The following PAX6 variants were observed in gnomAD, a reference collection of about 807,000 sequenced individuals.
The protein encoded by PAX6 is paired box 6, also known as paired box protein Pax-6.
In PAX6, 7 loss-of-function variants were observed where a neutral mutation model predicts 60.7. The observed-to-expected ratio is 0.12, with a 90% CI of 0.07 to 0.22. The LOEUF is 0.22. PAX6 is among the 10% of genes least tolerant of loss of function. PAX6 has a pLI of 1.00. For missense variants in PAX6, 355 were observed against 555.2 expected (o/e 0.64, Z 3.62); for synonymous variants, 208 against 201.2 (o/e 1.03, Z -0.29).
At chr11:31,816,310 G>C (rs1175307721), upstream of PAX6, 4 of 483,842 alleles carry the variant, frequency 8.3e-6, no homozygotes, top group Non-Finnish European at 1.1e-5. Flanking sequence ...TTCTATGAGA[G>C]GGTCTGAGGA....
chr11:31,812,812 A>T (rs1328664910), upstream of PAX6: 2 of 152,282 alleles, frequency 1.3e-5, no homozygotes, highest in Non-Finnish European at 2.9e-5. Context: ...ACTCTTCTTG[A>T]CTTAGGGAAA....
At chr11:31,815,529 G>T (rs566536988), upstream of PAX6, among the ~76,000 whole-genome samples, 5 of 152,110 alleles carry the variant, frequency 3.3e-5, no homozygotes, top group Admixed American at 6.5e-5. Flanking sequence ...GCTGGGGAGG[G>T]GGAGGGAGCA....
At chr11:31,793,912 A>C (rs894037128) in intron 10 of PAX6, 110 bp from the exon 11 acceptor site, 3 of 1,371,294 alleles carry the variant, frequency 2.2e-6, no homozygotes, top group Non-Finnish European at 3.1e-6. Flanking sequence ...CATTTAGCAG[A>C]CTGAACCTTT....
chr11:31,802,605 G>A, intron 5 of PAX6, 99 bp downstream of exon 5: 2 of 1,344,464 alleles, frequency 1.5e-6, no homozygotes, highest in Non-Finnish European at 2.0e-6. Context: ...GAGGGTGGGG[G>A]GGTCCATAAT....
intron 12 of PAX6, 96 bp from the exon 13 acceptor site, chr11:31,790,956 T>G: frequency 4.5e-6 from 6 of 1,336,382 alleles, no homozygotes; most frequent in Non-Finnish European, 6.3e-6. Context: ...CCAACAAGTC[T>G]GATCATTAAA....
intron 12 of PAX6, chr11:31,791,064 A>T (rs1223227737): frequency 1.5e-6 from 1 of 687,536 alleles, no homozygotes; most frequent in Admixed American, 2.0e-5. Flanking sequence ...AAAGCTGCCT[A>T]TGTATCAAGC....
At chr11:31,809,237 A>C (rs1341776668) in intron 2 of PAX6, 1 of 152,220 alleles carries the variant, frequency 6.6e-6, no homozygotes, top group Admixed American at 6.5e-5. Context: ...ACGCTTTTGC[A>C]AAGGTCACTG....
chr11:31,801,787 G>T lies in PAX6; in HGVS notation c.184-11C>A. 4 of 1,614,190 alleles carry T rather than the reference G, an allele frequency of 2.5e-6. No individual in the cohort carries two copies. Among genetic ancestry groups the T allele is most frequent in the Non-Finnish European group, 2.5e-6 (3 of 1,180,018 alleles). ...ACATCCGTTGGACACCTGCATAGGG[G>T]AAGTGGACAGAAAACCACATTATTA... On this transcript the variant is annotated splice_polypyrimidine_tract_variant and intron_variant, in intron 6 of 13. Coordinates refer to ENST00000640368, the MANE Select transcript of PAX6 (RefSeq NM_001368894.2).
chr11:31,790,689 C>T (rs1305115182), intron 13 of PAX6, 21 bp downstream of exon 13: 3 of 1,613,800 alleles, frequency 1.9e-6, no homozygotes, highest in Non-Finnish European at 2.5e-6. Flanking sequence ...TCTGTGCAGC[C>T]TGCAGAAAGC....
chr11:31,815,329 C>T (rs1248063451), upstream of PAX6, among the ~76,000 whole-genome samples: 1 of 152,164 alleles, frequency 6.6e-6, no homozygotes, highest in Non-Finnish European at 1.5e-5. Flanking sequence ...AACCTCTGCC[C>T]CCAAGAGGCA....
chr11:31,800,322 T>A (rs948000251), intron 8 of PAX6, among the ~76,000 whole-genome samples: 2 of 152,198 alleles, frequency 1.3e-5, no homozygotes, highest in African/African-American at 4.8e-5. Context: ...AACCTCGCAG[T>A]CTGTCAGTGC....
intron 8 of PAX6, among the ~76,000 whole-genome samples, chr11:31,798,063 C>T (rs1173076081): frequency 6.6e-6 from 1 of 151,990 alleles, no homozygotes; most frequent in Non-Finnish European, 1.5e-5. Context: ...GTGTCTTAAT[C>T]AGTGAGGCGG....
intron 2 of PAX6, among the ~76,000 whole-genome samples, chr11:31,809,059 C>CT (rs1250064947): frequency 9.2e-5 from 14 of 152,172 alleles, no homozygotes; most frequent in South Asian, 6.2e-4. Context: ...AAATGCTGTT[C>CT]TTTTTTTAAT....
intron 4 of PAX6, chr11:31,806,128 G>A (rs540068770): frequency 1.5e-5 from 7 of 477,944 alleles, no homozygotes; most frequent in South Asian, 7.8e-5. Context: ...ACAGGATTTG[G>A]GGGGGATGGG....
chr11:31,811,944 C>G (rs1474949630), upstream of PAX6: 1 of 152,278 alleles, frequency 6.6e-6, no homozygotes, highest in Non-Finnish European at 1.5e-5. Context: ...CCAGAGGCCT[C>G]CCCAGCCCAA....
chr11:31,796,606 C>A (rs1378596623), intron 8 of PAX6, among the ~76,000 whole-genome samples: 2 of 67,812 alleles, frequency 2.9e-5, no homozygotes, highest in African/African-American at 1.4e-4. Flanking sequence ...GGGGTGGAAG[C>A]AAGGGGGAAG....
chr11:31,813,584 G>C (rs114355221), upstream of PAX6, among the ~76,000 whole-genome samples: 1 of 151,860 alleles, frequency 6.6e-6, no homozygotes, highest in African/African-American at 2.4e-5. Flanking sequence ...CCCCCATCTC[G>C]CTGCGGAGAA....
rs901186392 is a variant in PAX6, at chr11:31,805,441, G to A, written c.10+961C>T. The A allele has an allele frequency of 3.9e-5, 6 of 152,618 alleles. No individual in the cohort carries two copies. In the East Asian group the frequency reaches 7.7e-4, roughly 20 times the overall value. The allele number at this position is 152,618 out of a possible 1,614,324, so 9.5% of individuals were successfully genotyped here. On this transcript the variant is annotated intron_variant, in intron 4 of 13. Coordinates refer to ENST00000640368, the MANE Select transcript of PAX6 (RefSeq NM_001368894.2). ...GGCGTTTCCAAAACAGATGGATAAG[G>A]TGCTGGGGACCCTCCTTAAGCCTGT...
intron 8 of PAX6, among the ~76,000 whole-genome samples, chr11:31,796,202 T>C (rs1951447825): frequency 6.6e-6 from 1 of 152,174 alleles, no homozygotes. Context: ...GAGGGGCTGC[T>C]TTTCAGCGCT....
Sources: gnomAD v4.1 joint callset for allele counts (sites outside exome capture counted in the v4.1 genomes callset) on GRCh38, gnomAD v4.1.1 for gene constraint, MANE v1.5 for transcripts, NCBI Gene and HGNC (gene_info 2026-07-23, HGNC 2026-07-21) for gene names.